The following DNAAF5 variants were observed in gnomAD, a reference collection of about 807,000 sequenced individuals.
DNAAF5 encodes the protein dynein axonemal assembly factor 5.
Under a neutral mutation model 75.8 loss-of-function variants are expected in DNAAF5, and 64 were observed. That is an observed-to-expected ratio of 0.84 (90% CI 0.69 to 1.04). The LOEUF is 1.04. DNAAF5 is among the 50% of genes least tolerant of loss of function. The pLI, the probability that DNAAF5 is intolerant of heterozygous loss-of-function variation, is 0.00. For missense variants in DNAAF5, 1,269 were observed against 1,178.5 expected, an observed-to-expected ratio of 1.08 and a Z score of -1.12; for synonymous variants, 657 against 557.2, an observed-to-expected ratio of 1.18 and a Z score of -2.52.
intron 8 of DNAAF5, chr7:768,935 G>A: frequency 1.8e-6 from 1 of 565,532 alleles, no homozygotes; most frequent in Non-Finnish European, 3.2e-6. Flanking sequence ...GCGGCACTTG[G>A]CCCAAGACTC....
intron 2 of DNAAF5, among the ~76,000 whole-genome samples, chr7:736,370 T>A (rs912254193): frequency 1.3e-5 from 2 of 152,232 alleles, no homozygotes; most frequent in Non-Finnish European, 2.9e-5. Context: ...AATATTTGGT[T>A]TATATATCTG....
intron 4 of DNAAF5, among the ~76,000 whole-genome samples, chr7:746,287 T>C (rs1368813850): frequency 1.7e-5 from 1 of 58,416 alleles, no homozygotes. Flanking sequence ...CCCTGCCCGC[T>C]GGGCCCAGGC....
chr7:785,378 A>T, intron 12 of DNAAF5, 139 bp from the exon 13 acceptor site: 1 of 892,276 alleles, frequency 1.1e-6, no homozygotes, highest in Non-Finnish European at 1.8e-6. Flanking sequence ...TGACTACTGT[A>T]TGTCCACCCA....
intron 8 of DNAAF5, among the ~76,000 whole-genome samples, chr7:769,913 C>T (rs1242771653): frequency 6.6e-6 from 1 of 152,060 alleles, no homozygotes; most frequent in Non-Finnish European, 1.5e-5. Context: ...TTCCAAAGTG[C>T]TGGAATTATA....
chr7:768,168 C>G (rs376372507), intron 8 of DNAAF5, among the ~76,000 whole-genome samples: 1 of 98,074 alleles, frequency 1.0e-5, no homozygotes, highest in Non-Finnish European at 2.0e-5. Flanking sequence ...AGCGCAGACA[C>G]GTGGTCCAGG....
Position 740,839 on chromosome 7 carries a change from C to T in DNAAF5, c.801C>T (p.Ser267=), listed in dbSNP as rs773361666. Residue 267 remains serine, a synonymous_variant, in exon 3 of 13, where the codon TCC becomes TCT. Coordinates refer to ENST00000297440, the MANE Select transcript of DNAAF5 (RefSeq NM_017802.4). ...CGCAGGTCCGGCGGGCGGTGGCCTC[C>T]GTGGTGGGCGGCTGGCTGCTGTGTC... ...DVPQVRRAVA[S]VVGGWLLCLR... is the part of the protein sequence containing the mutation. 22 of 1,613,846 alleles carry T rather than the reference C, an allele frequency of 1.4e-5. No homozygotes were observed. Among genetic ancestry groups the T allele is most frequent in the South Asian group, 3.3e-5 (3 of 91,090 alleles).
intron 3 of DNAAF5, among the ~76,000 whole-genome samples, 192 bp from the exon 4 acceptor site, chr7:741,155 C>T (rs527469491): frequency 2.3e-4 from 35 of 152,216 alleles, no homozygotes; most frequent in Non-Finnish European, 3.2e-4. Flanking sequence ...AGAGATCAGA[C>T]GGCCCCCTTT....
At chr7:729,580 G>C (rs773673048) in intron 1 of DNAAF5, 83 bp from the exon 2 acceptor site, 11 of 1,363,320 alleles carry the variant, frequency 8.1e-6, no homozygotes, top group African/African-American at 1.4e-5. Context: ...CTCATAGGCA[G>C]GCAGCCGTCC....
rs1377173044 is a variant in DNAAF5 at position 729,649 on chromosome 7, TC to T, written c.596-11del. 1.9e-6 allele frequency: 3 copies of T among 1,609,690 alleles called. No homozygotes were observed. Among genetic ancestry groups the T allele is most frequent in the Non-Finnish European group, 2.5e-6 (3 of 1,177,276 alleles). ...GGAGCAGCTCTGGTAACTGGGGGCC[TC>T]CCTGTCCCTCAGACCACTTCCACAT... On this transcript the variant is annotated splice_polypyrimidine_tract_variant and intron_variant, in intron 1 of 12. Transcript: ENST00000297440.
intron 2 of DNAAF5, among the ~76,000 whole-genome samples, chr7:737,616 A>G (rs1214332892): frequency 6.6e-6 from 1 of 152,194 alleles, no homozygotes; most frequent in Admixed American, 6.5e-5. Context: ...TCTGATGTTG[A>G]TGAAATTCCT....
chr7:780,826 C>CTTTTTTTTTTTTT (rs201445917), intron 12 of DNAAF5, among the ~76,000 whole-genome samples: 11 of 131,200 alleles, frequency 8.4e-5, no homozygotes, highest in South Asian at 2.5e-4. Context: ...TTTTTTTTTT[C>CTTTTTTTTTTTTT]TTTTTTTTTT....
At chr7:781,499 C>G (rs1185769092) in intron 12 of DNAAF5, among the ~76,000 whole-genome samples, 1 of 152,228 alleles carries the variant, frequency 6.6e-6, no homozygotes, top group African/African-American at 2.4e-5. Context: ...CAGCTCTCCC[C>G]CATAGCTGAA....
At chr7:746,875 TC>T (rs1782131759) in intron 4 of DNAAF5, among the ~76,000 whole-genome samples, 1 of 152,204 alleles carries the variant, frequency 6.6e-6, no homozygotes, top group Admixed American at 6.5e-5. Context: ...GTGTGTCCCT[TC>T]CAGGATGTCA....
At position 727,131 on chromosome 7, in the gene DNAAF5, C is replaced by T. The variant is rs1178099587; in HGVS notation, c.411C>T (p.Ala137=). ...GPVPARRPPE[A]CEELRLALVQ... Reference sequence around the variant, plus strand: ...TGCCCGCGCGCCGCCCGCCCGAGGCCTGTGAGGAGCTGCGCCTGGCGCTTG... The same window carrying T: ...TGCCCGCGCGCCGCCCGCCCGAGGCTTGTGAGGAGCTGCGCCTGGCGCTTG... Residue 137 remains alanine, a synonymous_variant, in exon 1 of 13, where the codon GCC becomes GCT. Coordinates refer to ENST00000297440, the MANE Select transcript of DNAAF5 (RefSeq NM_017802.4). The T allele has an allele frequency of 4.2e-6, 5 of 1,204,272 alleles. No individual in the cohort carries two copies. The highest frequency in any genetic ancestry group is 5.2e-6 in the Non-Finnish European group (5 of 969,208). The allele number at this position is 1,204,272 out of a possible 1,614,324, so 74.6% of individuals were successfully genotyped here. A position where few individuals can be genotyped will look rare whatever the true frequency, so the allele number is the denominator to read the frequency against.
At position 743,012 on chromosome 7, in the gene DNAAF5, G is replaced by A. The variant is rs146125299; in HGVS notation, c.1024+1547G>A. Reference sequence around the variant, plus strand: ...GTCACCTCCCTGGCCTAGTTGAGGCGCTGAAGTAGCCCGGGGTCAGGTCCT... The same window carrying A: ...GTCACCTCCCTGGCCTAGTTGAGGCACTGAAGTAGCCCGGGGTCAGGTCCT... On this transcript the variant is annotated intron_variant, in intron 4 of 12. Transcript: ENST00000297440. 1.2e-3 allele frequency among the ~76,000 whole-genome samples: 179 copies of A among 152,312 alleles called. 1 individual carries two copies. Among genetic ancestry groups the A allele is most frequent in the African/African-American group, 4.1e-3 (169 of 41,562 alleles).
At chr7:734,865 C>A (rs142564845) in intron 2 of DNAAF5, among the ~76,000 whole-genome samples, 3 of 152,162 alleles carry the variant, frequency 2.0e-5, no homozygotes, top group African/African-American at 7.2e-5. Context: ...TATAGTTGCT[C>A]ACAGTATAGT....
intron 2 of DNAAF5, among the ~76,000 whole-genome samples, 174 bp from the exon 3 acceptor site, chr7:740,645 G>A (rs998779866): frequency 2.6e-5 from 4 of 152,218 alleles, no homozygotes; most frequent in Admixed American, 6.5e-5. Flanking sequence ...CCAGGACCCC[G>A]GCCACGCGCC....
chr7:770,621 A>C lies in DNAAF5; in HGVS notation c.1931+3A>C. On this transcript the variant is annotated splice_donor_region_variant and intron_variant, in intron 9 of 12. Coordinates refer to ENST00000297440, the MANE Select transcript of DNAAF5 (RefSeq NM_017802.4). ...ACGGACACCATCAACTCCCAGGGGT[A>C]GGTCCGGGCTCTGCCTCTGCACGGC... 4 of 1,612,914 alleles carry C rather than the reference A, an allele frequency of 2.5e-6. No individual in the cohort carries two copies. The highest frequency in any genetic ancestry group is 3.4e-6 in the Non-Finnish European group (4 of 1,179,718).
At chr7:748,931 C>G (rs2128076108) in intron 4 of DNAAF5, among the ~76,000 whole-genome samples, 1 of 152,326 alleles carries the variant, frequency 6.6e-6, no homozygotes. Flanking sequence ...AATGACCTAT[C>G]AATAAGGAAT....
Sources: allele counts gnomAD v4.1 joint callset (sites outside exome capture counted in the v4.1 genomes callset), GRCh38; gene constraint gnomAD v4.1.1; transcripts MANE v1.5; gene names NCBI Gene and HGNC (gene_info 2026-07-23, HGNC 2026-07-21).